The following MECOM variants were observed in gnomAD, a reference collection of about 807,000 sequenced individuals.
The protein encoded by MECOM is histone-lysine N-methyltransferase MECOM.
Under a neutral mutation model 116.3 loss-of-function variants are expected in MECOM, and 13 were observed. The ratio of observed to expected loss-of-function variants is 0.11; its 90% CI spans 0.07 to 0.18. MECOM has a LOEUF of 0.18. Among genes scored for constraint, MECOM ranks in the 10% least tolerant of loss-of-function variants. The probability of loss-of-function intolerance (pLI) is 1.00; values close to 1 mark genes in which losing one functional copy is unlikely to be tolerated. For missense variants in MECOM, 1,299 were observed against 1,509.0 expected (o/e 0.86, Z 2.31); for synonymous variants, 528 against 535.2 (o/e 0.99, Z 0.19).
chr3:169,183,540 A>T (rs1746260946), intron 2 of MECOM, among the ~76,000 whole-genome samples: 2 of 152,108 alleles, frequency 1.3e-5, no homozygotes, highest in Non-Finnish European at 2.9e-5. Flanking sequence ...TTTTGCTGAA[A>T]AATGTTCTTT....
At chr3:169,346,471 T>C (rs950964354) in intron 2 of MECOM, among the ~76,000 whole-genome samples, 3 of 152,070 alleles carry the variant, frequency 2.0e-5, no homozygotes, top group Non-Finnish European at 4.4e-5. Flanking sequence ...TGATAACGTA[T>C]TATTCTTAAT....
At chr3:169,358,908 C>T (rs954435117) in intron 2 of MECOM, among the ~76,000 whole-genome samples, 1 of 151,730 alleles carries the variant, frequency 6.6e-6, no homozygotes, top group Non-Finnish European at 1.5e-5. Flanking sequence ...ATTTTTAACC[C>T]TTACCCATGT....
intron 1 of MECOM, among the ~76,000 whole-genome samples, chr3:169,607,180 G>A (rs1768692578): frequency 6.6e-6 from 1 of 152,166 alleles, no homozygotes; most frequent in African/African-American, 2.4e-5. Context: ...ATTCTCCCAA[G>A]CGCCACAGCA....
intron 2 of MECOM, among the ~76,000 whole-genome samples, chr3:169,297,686 A>G (rs1251664366): frequency 2.6e-5 from 4 of 152,212 alleles, no homozygotes; most frequent in Admixed American, 1.3e-4. Flanking sequence ...GTAAACGTCA[A>G]TGATAATCTT....
At chr3:169,536,302 TG>T (rs1012257238) in intron 1 of MECOM, among the ~76,000 whole-genome samples, 2 of 151,708 alleles carry the variant, frequency 1.3e-5, no homozygotes, top group Admixed American at 1.3e-4. Context: ...CCATATCTGG[TG>T]TAAAAGTTAG....
chr3:169,361,758 G>C (rs1021261688), intron 2 of MECOM, among the ~76,000 whole-genome samples: 3 of 151,692 alleles, frequency 2.0e-5, no homozygotes, highest in Non-Finnish European at 4.4e-5. Context: ...GTGTTATACT[G>C]CCTCTTTTGC....
chr3:169,100,851 T>G (rs762015793), intron 12 of MECOM, 34 bp downstream of exon 12: 2 of 1,269,530 alleles, frequency 1.6e-6, no homozygotes, highest in East Asian at 2.6e-5. Flanking sequence ...ATTACAATAT[T>G]TATCAAGATA....
At chr3:169,635,813 G>A (rs1034577392) in intron 1 of MECOM, among the ~76,000 whole-genome samples, 75 of 152,112 alleles carry the variant, frequency 4.9e-4, no homozygotes, top group African/African-American at 1.7e-3. Flanking sequence ...TTTCTTTATT[G>A]CACTAATATA....
chr3:169,303,500 G>C (rs557250233), intron 2 of MECOM, among the ~76,000 whole-genome samples: 2 of 152,140 alleles, frequency 1.3e-5, no homozygotes, highest in African/African-American at 4.8e-5. Context: ...GACCTTAAGC[G>C]GTAGTGTAAA....
At chr3:169,389,537 AG>A in intron 1 of MECOM, 1 of 985,098 alleles carries the variant, frequency 1.0e-6, no homozygotes, top group Non-Finnish European at 1.2e-6. Flanking sequence ...CAAATTTTTG[AG>A]AGACTTTTAG....
intron 1 of MECOM, among the ~76,000 whole-genome samples, chr3:169,433,129 GA>G (rs549199757): frequency 6.6e-6 from 1 of 152,152 alleles, no homozygotes; most frequent in Non-Finnish European, 1.5e-5. Flanking sequence ...TATGTAAATG[GA>G]AAAAAAGTAT....
At chr3:169,501,591 A>G (rs933436209) in intron 1 of MECOM, among the ~76,000 whole-genome samples, 1 of 152,106 alleles carries the variant, frequency 6.6e-6, no homozygotes, top group Non-Finnish European at 1.5e-5. Context: ...TTATTATTGC[A>G]TCTAGCTCAA....
intron 1 of MECOM, among the ~76,000 whole-genome samples, chr3:169,523,780 C>A (rs1401705336): frequency 2.0e-5 from 3 of 151,626 alleles, no homozygotes; most frequent in African/African-American, 7.3e-5. Context: ...ACAAGTATAT[C>A]CCAAATATTG....
intron 8 of MECOM, 92 bp downstream of exon 8, chr3:169,115,290 TA>T (rs1481179841): frequency 7.8e-6 from 10 of 1,287,454 alleles, no homozygotes; most frequent in Non-Finnish European, 1.1e-5. Flanking sequence ...ATAATAATAG[TA>T]AAAATGATGT....
At chr3:169,529,798 C>T (rs536998728) in intron 1 of MECOM, among the ~76,000 whole-genome samples, 6 of 152,324 alleles carry the variant, frequency 3.9e-5, no homozygotes, top group South Asian at 2.1e-4. Flanking sequence ...TGGTCCAGCA[C>T]CCAAGTTCCT....
intron 1 of MECOM, among the ~76,000 whole-genome samples, chr3:169,434,302 T>C (rs1223441474): frequency 2.0e-5 from 3 of 152,194 alleles, no homozygotes; most frequent in Admixed American, 1.3e-4. Flanking sequence ...TCCTTGGCAT[T>C]GATGAAAAAC....
Position 169,378,454 on chromosome 3 carries a change from A to AAAGC in MECOM, c.375+2729_375+2732dup. ...GAAAGAAAGAAAGAAAGAAAGAAGG[A>AAAGC]AAGCAAGCAAGCAAGCAAGCAAGAA... On this transcript the variant is annotated intron_variant, in intron 2 of 16. Coordinates refer to ENST00000651503, the MANE Select transcript of MECOM (RefSeq NM_004991.4). 5.5e-5 allele frequency among the ~76,000 whole-genome samples: 3 copies of AAAGC among 54,540 alleles called. 1 individual carries two copies. The Admixed American group carries it at 6.2e-4, about 11-fold the overall frequency. 35.8% of individuals were successfully genotyped at this position (54,540 alleles called of 152,430 possible).
At chr3:169,222,046 A>G (rs1465180239) in intron 2 of MECOM, among the ~76,000 whole-genome samples, 2 of 152,150 alleles carry the variant, frequency 1.3e-5, no homozygotes, top group African/African-American at 2.4e-5. Context: ...ATTTCCGTAG[A>G]TCACTAGCTA....
At chr3:169,492,875 G>T (rs1401609052) in intron 1 of MECOM, among the ~76,000 whole-genome samples, 1 of 152,072 alleles carries the variant, frequency 6.6e-6, no homozygotes, top group Non-Finnish European at 1.5e-5. Flanking sequence ...CAGGAGAATT[G>T]CTTGAATTCA....
Sources: allele counts gnomAD v4.1 joint callset (sites outside exome capture counted in the v4.1 genomes callset), GRCh38; gene constraint gnomAD v4.1.1; transcripts MANE v1.5; gene names NCBI Gene and HGNC (gene_info 2026-07-23, HGNC 2026-07-21).